CPQ: variants seen among roughly 807,000 people sequenced by gnomAD.
CPQ encodes Ser-Met dipeptidase.
Under a neutral mutation model 45.7 loss-of-function variants are expected in CPQ, and 37 were observed. The ratio of observed to expected loss-of-function variants is 0.81; its 90% confidence interval spans 0.62 to 1.07. The LOEUF (loss-of-function observed/expected upper bound fraction) is 1.07. CPQ is among the 50% of genes least tolerant of loss of function. The pLI is 0.00. For missense variants in CPQ, 537 were observed against 572.9 expected, an observed-to-expected ratio of 0.94 and a Z score of 0.64; for synonymous variants, 186 against 205.8, an observed-to-expected ratio of 0.90 and a Z score of 0.82.
At position 96,977,548 on chromosome 8, in the gene CPQ, T is replaced by C. The variant is rs186725925; in HGVS notation, c.961+11502T>C. ...AAAGATGCTTGCCCACTCATGTTTA[T>C]AGCAGCATGATTTGCAATTGCAAAA... On this transcript the variant is annotated intron_variant, in intron 5 of 7. Coordinates refer to ENST00000220763, the MANE Select transcript of CPQ (RefSeq NM_016134.4). Among the ~76,000 whole-genome samples, 93 of 152,292 alleles carry C rather than the reference T, an allele frequency of 6.1e-4. 1 individual carries two copies. In the East Asian group the frequency reaches 0.016, roughly 27 times the overall value.
chr8:97,064,906 T>C (rs1197517783), intron 6 of CPQ, among the ~76,000 whole-genome samples: 1 of 152,172 alleles, frequency 6.6e-6, no homozygotes, highest in Non-Finnish European at 1.5e-5. Flanking sequence ...CTGTATGACA[T>C]TGAGCAAATC....
chr8:96,848,277 C>G (rs528652745), intron 3 of CPQ, among the ~76,000 whole-genome samples: 1 of 152,118 alleles, frequency 6.6e-6, no homozygotes, highest in Admixed American at 6.6e-5. Flanking sequence ...GGGGTAGGAA[C>G]TTACATAATT....
intron 4 of CPQ, among the ~76,000 whole-genome samples, chr8:96,921,360 G>A (rs1479519590): frequency 6.6e-6 from 1 of 152,164 alleles, no homozygotes; most frequent in African/African-American, 2.4e-5. Flanking sequence ...AATCTCAAAA[G>A]AGAGCATTTT....
chr8:96,761,315 G>C (rs1267300927), intron 1 of CPQ: 1 of 152,238 alleles, frequency 6.6e-6, no homozygotes, highest in African/African-American at 2.4e-5. Context: ...CTGCCAGACA[G>C]AGAAGCTGTC....
intron 1 of CPQ, among the ~76,000 whole-genome samples, chr8:96,674,539 T>C (rs1477088481): frequency 6.6e-6 from 1 of 152,144 alleles, no homozygotes; most frequent in Non-Finnish European, 1.5e-5. Flanking sequence ...AGAGTGATTG[T>C]ATTACATTCC....
chr8:97,123,196 AAAT>A (rs1444273036), intron 7 of CPQ, among the ~76,000 whole-genome samples: 4 of 130,726 alleles, frequency 3.1e-5, no homozygotes, highest in African/African-American at 5.6e-5. Context: ...AAATAAAATA[AAAT>A]AAAATAAAAA....
Position 96,965,924 on chromosome 8 carries a change from A to G in CPQ, c.850-11A>G. On this transcript the variant is annotated splice_polypyrimidine_tract_variant and intron_variant, in intron 4 of 7. Transcript: ENST00000220763. ...TAGTTTTATTTTTTAACTTTTTATT[A>G]TTTGTTCTAGGTTGTACTGGTCAGT... 1 of 1,513,658 alleles carries G rather than the reference A, an allele frequency of 6.6e-7. No homozygotes were observed. Among genetic ancestry groups the G allele is most frequent in the Non-Finnish European group, 8.9e-7 (1 of 1,129,232 alleles). The allele number at this position is 1,513,658 out of a possible 1,614,324, so 93.8% of individuals were successfully genotyped here. A position where few individuals can be genotyped will look rare whatever the true frequency, so the allele number is the denominator to read the frequency against.
chr8:97,093,008 G>C (rs1357704750), intron 7 of CPQ: 2 of 152,098 alleles, frequency 1.3e-5, no homozygotes, highest in African/African-American at 4.8e-5. Flanking sequence ...GTGGGCAAAA[G>C]ACATGAACAG....
At chr8:96,742,151 G>T (rs1214249188) in intron 1 of CPQ, among the ~76,000 whole-genome samples, 2 of 150,040 alleles carry the variant, frequency 1.3e-5, no homozygotes, top group Non-Finnish European at 3.0e-5. Context: ...TTATGAATCT[G>T]GGTGCTCCTG....
chr8:96,787,784 A>T (rs1810790910), intron 2 of CPQ, among the ~76,000 whole-genome samples: 1 of 151,408 alleles, frequency 6.6e-6, no homozygotes, highest in Admixed American at 6.6e-5. Context: ...CAGTTTTAGT[A>T]GTTTGTGTCT....
chr8:97,002,759 T>C (rs1809307723), intron 5 of CPQ, among the ~76,000 whole-genome samples: 1 of 152,202 alleles, frequency 6.6e-6, no homozygotes. Flanking sequence ...TCTGTAGATA[T>C]CTATTTGATC....
intron 6 of CPQ, among the ~76,000 whole-genome samples, chr8:97,031,016 A>G (rs1809892059): frequency 6.6e-6 from 1 of 152,082 alleles, no homozygotes; most frequent in African/African-American, 2.4e-5. Context: ...CAGTGGTAGG[A>G]GGGTGGAACA....
At chr8:96,803,338 G>A (rs967230852) in intron 2 of CPQ, among the ~76,000 whole-genome samples, 2 of 152,208 alleles carry the variant, frequency 1.3e-5, no homozygotes, top group South Asian at 4.1e-4. Context: ...ATGCTGGATG[G>A]AATAAGAGAA....
In CPQ at chr8:96,865,801, AAAT is replaced by A. The variant is rs568716416; in HGVS notation, c.642-13990_642-13988del. Among the ~76,000 whole-genome samples the A allele has an allele frequency of 6.4e-3, 972 of 152,202 alleles. 8 individuals are homozygous for A. The highest frequency in any genetic ancestry group is 0.026 in the South Asian group (124 of 4,830). ...CCCCCATTAACAGGCATAATAATGA[AAAT>A]AATAATGTATAACTTTTTCACTCCA... is the stretch of plus-strand genomic sequence containing the variant. On this transcript the variant is annotated intron_variant, in intron 3 of 7. Coordinates refer to ENST00000220763, the MANE Select transcript of CPQ (RefSeq NM_016134.4).
At chr8:97,129,956 G>C (rs1198899393) in intron 7 of CPQ, among the ~76,000 whole-genome samples, 1 of 152,282 alleles carries the variant, frequency 6.6e-6, no homozygotes, top group East Asian at 1.9e-4. Context: ...CGCAAGTCCT[G>C]CTGCACTAGT....
intron 2 of CPQ, among the ~76,000 whole-genome samples, chr8:96,824,250 A>G (rs765394542): frequency 4.6e-5 from 7 of 152,044 alleles, no homozygotes; most frequent in Non-Finnish European, 1.0e-4. Flanking sequence ...CAACCACACT[A>G]TGTGACCTAG....
chr8:96,958,437 A>T (rs1396200037), intron 4 of CPQ, among the ~76,000 whole-genome samples: 1 of 125,282 alleles, frequency 8.0e-6, no homozygotes, highest in Non-Finnish European at 1.6e-5. Flanking sequence ...ATTCAAATAC[A>T]TGGTTCTTCT....
At chr8:96,762,187 C>T (rs17794904) in intron 1 of CPQ, among the ~76,000 whole-genome samples, 1 of 152,044 alleles carries the variant, frequency 6.6e-6, no homozygotes, top group Non-Finnish European at 1.5e-5. Flanking sequence ...TTATTTTGAA[C>T]AAGTGGTTTA....
At chr8:96,816,617 T>C (rs1482936728) in intron 2 of CPQ, among the ~76,000 whole-genome samples, 2 of 152,186 alleles carry the variant, frequency 1.3e-5, no homozygotes, top group Non-Finnish European at 2.9e-5. Context: ...TCACAATCTA[T>C]GGCAGCCATA....
Sources: allele counts gnomAD v4.1 joint callset (sites outside exome capture counted in the v4.1 genomes callset), GRCh38; gene constraint gnomAD v4.1.1; transcripts MANE v1.5; gene names NCBI Gene and HGNC (gene_info 2026-07-23, HGNC 2026-07-21).